ADAM22: variants seen among roughly 807,000 people sequenced by gnomAD.
ADAM22 encodes ADAM metallopeptidase domain 22.
ADAM22 carries 65 observed loss-of-function variants against 144.6 expected under a neutral mutation model. The ratio of observed to expected loss-of-function variants is 0.45; its 90% CI spans 0.37 to 0.55. The LOEUF is 0.55. Ranked by LOEUF, ADAM22 falls within the 20% of genes least tolerant of loss-of-function variation. The pLI, the probability that ADAM22 is intolerant of heterozygous loss-of-function variation, is 0.00. For synonymous variants in ADAM22, 391 were observed against 412.6 expected, an observed-to-expected ratio of 0.95 and a Z score of 0.63; for missense variants, 974 against 1,184.9, an observed-to-expected ratio of 0.82 and a Z score of 2.61.
chr7:88,113,681 A>G (rs1290076403), intron 5 of ADAM22, among the ~76,000 whole-genome samples: 1 of 112,256 alleles, frequency 8.9e-6, no homozygotes, highest in African/African-American at 3.5e-5. Context: ...TATATAATAT[A>G]TATATTATAA....
intron 3 of ADAM22, among the ~76,000 whole-genome samples, chr7:88,008,911 TAAAAAGAAA>T (rs1283804461): frequency 5.0e-5 from 4 of 80,178 alleles, no homozygotes; most frequent in Non-Finnish European, 1.2e-4. Flanking sequence ...ATAATAATAA[TAAAAAGAAA>T]AAAAAGAAAA....
chr7:88,110,655 C>A (rs949402786), intron 5 of ADAM22, among the ~76,000 whole-genome samples: 2 of 148,842 alleles, frequency 1.3e-5, no homozygotes, highest in Admixed American at 1.3e-4. Context: ...CTTTTCTTTT[C>A]TTTTTTTTCT....
chr7:87,946,627 T>C (rs957146271), intron 2 of ADAM22, among the ~76,000 whole-genome samples: 1 of 152,218 alleles, frequency 6.6e-6, no homozygotes, highest in African/African-American at 2.4e-5. Flanking sequence ...CCATGGCTTA[T>C]TTTTGCCCAC....
At chr7:88,178,494 T>C (rs1846235078) in intron 26 of ADAM22, among the ~76,000 whole-genome samples, 1 of 152,136 alleles carries the variant, frequency 6.6e-6, no homozygotes, top group African/African-American at 2.4e-5. Context: ...TCAGACCAAA[T>C]CCAGGTTGCA....
At chr7:88,045,941 C>G (rs1027109214) in intron 3 of ADAM22, among the ~76,000 whole-genome samples, 13 of 85,004 alleles carry the variant, frequency 1.5e-4, no homozygotes, top group African/African-American at 5.0e-4. Flanking sequence ...TGTATGTCAC[C>G]CTGTTTTCTT....
At chr7:88,156,653 TA>T (rs1202920510) in intron 22 of ADAM22, among the ~76,000 whole-genome samples, 1 of 151,752 alleles carries the variant, frequency 6.6e-6, no homozygotes, top group Admixed American at 6.6e-5. Context: ...GAAAGGCTGT[TA>T]AAAAAGCAGT....
chr7:88,170,610 A>G (rs1208091923), intron 25 of ADAM22, among the ~76,000 whole-genome samples: 1 of 151,962 alleles, frequency 6.6e-6, no homozygotes, highest in Non-Finnish European at 1.5e-5. Flanking sequence ...ACAAATTGGC[A>G]CCTTTGCCGT....
intron 3 of ADAM22, among the ~76,000 whole-genome samples, chr7:87,991,748 C>T (rs1789955358): frequency 6.6e-6 from 1 of 152,160 alleles, no homozygotes; most frequent in Non-Finnish European, 1.5e-5. Context: ...GGGAGGATTG[C>T]TTTGCACATA....
At chr7:88,046,949 TAGACTC>T (rs1804846770) in intron 3 of ADAM22, among the ~76,000 whole-genome samples, 2 of 152,208 alleles carry the variant, frequency 1.3e-5, no homozygotes, top group South Asian at 4.1e-4. Context: ...GTTCAGATGG[TAGACTC>T]AGGAATTAGA....
chr7:88,054,588 C>CTGTGTGTGTGTG (rs58027941), intron 3 of ADAM22, among the ~76,000 whole-genome samples: 9,154 of 132,164 alleles, frequency 0.069, 547 homozygotes, highest in South Asian at 0.11. Context: ...AGGTGCCCTC[C>CTGTGTGTGTGTG]TGTGTGTGTG....
chr7:87,959,611 CTG>C (rs966194542), intron 2 of ADAM22, among the ~76,000 whole-genome samples: 1 of 152,120 alleles, frequency 6.6e-6, no homozygotes, highest in African/African-American at 2.4e-5. Context: ...TTTTAATAGT[CTG>C]TTTTAATTTC....
rs1221159435 is a variant in ADAM22 at position 88,198,225 on chromosome 7, A to G, written c.*1734A>G. The G allele has an allele frequency of 2.0e-5, 3 of 152,214 alleles. No homozygotes were observed. The highest frequency in any genetic ancestry group is 4.4e-5 in the Non-Finnish European group (3 of 68,038). The allele number at this position is 152,214 out of a possible 1,614,324, so 9.4% of individuals were successfully genotyped here. A position where few individuals can be genotyped will look rare whatever the true frequency, so the allele number is the denominator to read the frequency against. ...CTTCATATGTAATCAATTTGATTACATATCATGCCCAAACTGAAGGGCCGA... is the reference window on the plus strand; with the variant it reads ...CTTCATATGTAATCAATTTGATTACGTATCATGCCCAAACTGAAGGGCCGA... On this transcript the variant is annotated 3_prime_UTR_variant, in exon 32 of 32. Transcript: ENST00000413139.
chr7:88,124,280 A>G (rs1829940555), intron 7 of ADAM22, among the ~76,000 whole-genome samples: 2 of 151,402 alleles, frequency 1.3e-5, no homozygotes, highest in Non-Finnish European at 3.0e-5. Context: ...TACTTCATGT[A>G]TTTTAAAACT....
intron 3 of ADAM22, among the ~76,000 whole-genome samples, chr7:88,055,123 CTT>C (rs1377221582): frequency 6.6e-6 from 1 of 150,758 alleles, no homozygotes; most frequent in East Asian, 1.9e-4. Flanking sequence ...ATATATATAT[CTT>C]TTGTTTCTTC....
At chr7:87,965,385 G>C (rs1404345684) in intron 2 of ADAM22, among the ~76,000 whole-genome samples, 1 of 152,196 alleles carries the variant, frequency 6.6e-6, no homozygotes, top group Admixed American at 6.5e-5. Flanking sequence ...TGTTAGTAAA[G>C]AAGGCATATG....
intron 26 of ADAM22, among the ~76,000 whole-genome samples, chr7:88,177,892 A>G (rs1426943651): frequency 6.6e-6 from 1 of 152,224 alleles, no homozygotes; most frequent in Non-Finnish European, 1.5e-5. Context: ...TAGAGATTTA[A>G]TTAAGCATAG....
chr7:88,066,352 A>G lies in ADAM22; in HGVS notation c.324-9274A>G, dbSNP rs995179601. ...ATTTGTAAGAGAGATTAAAGAGTCAATGATCACTCTATGATTTTTGGCCAG... is the reference window on the plus strand; with the variant it reads ...ATTTGTAAGAGAGATTAAAGAGTCAGTGATCACTCTATGATTTTTGGCCAG... On this transcript the variant is annotated intron_variant, in intron 3 of 31. Transcript: ENST00000413139. 2.6e-5 allele frequency among the ~76,000 whole-genome samples: 4 copies of G among 151,868 alleles called. No individual in the cohort carries two copies. The East Asian group carries it at 7.7e-4, about 29-fold the overall frequency.
chr7:88,014,674 A>C (rs984693686), intron 3 of ADAM22, among the ~76,000 whole-genome samples: 1 of 152,162 alleles, frequency 6.6e-6, no homozygotes, highest in Non-Finnish European at 1.5e-5. Flanking sequence ...AAAAAAAGTT[A>C]TATACTTTCT....
chr7:88,142,408 T>C (rs1327589272), intron 14 of ADAM22, among the ~76,000 whole-genome samples: 1 of 152,218 alleles, frequency 6.6e-6, no homozygotes, highest in Non-Finnish European at 1.5e-5. Flanking sequence ...CAGTTTGGAT[T>C]CTAGCTCAGT....
Sources: allele counts gnomAD v4.1 joint callset (sites outside exome capture counted in the v4.1 genomes callset), GRCh38; gene constraint gnomAD v4.1.1; transcripts MANE v1.5; gene names NCBI Gene and HGNC (gene_info 2026-07-23, HGNC 2026-07-21).